Variants in TNRC18 observed in about 807,000 individuals in gnomAD.
TNRC18 encodes the protein trinucleotide repeat-containing gene 18 protein.
TNRC18 carries 69 observed loss-of-function variants against 226.7 expected under a neutral mutation model. That is an observed-to-expected ratio of 0.30 (90% CI 0.25 to 0.37). TNRC18 has a LOEUF of 0.37. Ranked by LOEUF, TNRC18 falls within the 10% of genes least tolerant of loss-of-function variation. The pLI is 1.00. For synonymous variants in TNRC18, 2,449 were observed against 1,927.6 expected (o/e 1.27, Z -7.09); for missense variants, 4,754 against 4,256.6 (o/e 1.12, Z -3.25).
intron 18 of TNRC18, among the ~76,000 whole-genome samples, chr7:5,344,196 G>A (rs1482169874): frequency 6.6e-6 from 1 of 152,208 alleles, no homozygotes; most frequent in African/African-American, 2.4e-5. Context: ...CCTGGCTGGT[G>A]CATTTAGGGG....
Position 5,389,158 on chromosome 7 carries a change from C to G in TNRC18, c.666G>C (p.Lys222Asn). ...CCTCGCCCCGGGCGCGCGGGTCCTT[C>G]TTGCCGAAAAGCGGAGGCGGCTCCC... ...RGGEPPPLFG[K>N]KDPRARGEEA... Residue 222 changes from lysine to asparagine, a missense_variant, in exon 5 of 30, where the codon AAG becomes AAC. Lys to Asn is a moderately conservative substitution (Grantham distance 94, BLOSUM62 0). Transcript: ENST00000430969. 7.5e-7 allele frequency: 1 copy of G among 1,327,516 alleles called. No individual in the cohort carries two copies. The allele number at this position is 1,327,516 out of a possible 1,614,324, so 82.2% of individuals were successfully genotyped here.
chr7:5,371,084 T>C lies in TNRC18; in HGVS notation c.3510A>G (p.Thr1170=). 1 of 1,611,952 alleles carries C rather than the reference T, an allele frequency of 6.2e-7. No homozygotes were observed. Among genetic ancestry groups the C allele is most frequent in the African/African-American group, 1.3e-5 (1 of 75,050 alleles). Residue 1170 remains threonine (T), a synonymous_variant, in exon 11 of 30, where the codon ACA becomes ACG. Transcript: ENST00000430969. The part of the protein sequence containing the change: ...AEVEDMDEGP[T]ELPPLESPLP... Reference sequence around the variant, plus strand: ...GCGGCGACTCCAGAGGCGGCAGCTCTGTGGGGCCCTCGTCCATGTCCTCCA... The same window carrying C: ...GCGGCGACTCCAGAGGCGGCAGCTCCGTGGGGCCCTCGTCCATGTCCTCCA...
chr7:5,342,175 C>T lies in TNRC18; in HGVS notation c.5719+3387G>A, dbSNP rs558881656. The stretch of plus-strand genomic sequence containing the variant: ...CGGGTGCAGTGGCTCACGCCTGTAA[C>T]CCCAGCACTTTGGGAGGCCGAGGCA... On this transcript the variant is annotated intron_variant, in intron 18 of 29. Transcript: ENST00000430969. Among the ~76,000 whole-genome samples, 5 of 152,156 alleles carry T rather than the reference C, an allele frequency of 3.3e-5. No individual in the cohort carries two copies. In the East Asian group the frequency reaches 9.7e-4, roughly 29 times the overall value.
At chr7:5,311,739 G>C (rs144190577) in intron 27 of TNRC18, among the ~76,000 whole-genome samples, 34 of 151,848 alleles carry the variant, frequency 2.2e-4, no homozygotes, top group Admixed American at 1.5e-3. Context: ...AACTGCTTGG[G>C]CCCAGAAGTT....
At chr7:5,380,042 G>T (rs187414526) in intron 5 of TNRC18, among the ~76,000 whole-genome samples, 18 of 152,304 alleles carry the variant, frequency 1.2e-4, no homozygotes, top group Non-Finnish European at 2.2e-4. Context: ...TCCTAACTGG[G>T]GTCTACAGCG....
chr7:5,338,441 G>T (rs553900368), intron 18 of TNRC18, among the ~76,000 whole-genome samples: 1 of 152,018 alleles, frequency 6.6e-6, no homozygotes, highest in South Asian at 2.1e-4. Flanking sequence ...CAACAAAGAA[G>T]AACATTCTAA....
rs1782702388 is a variant in TNRC18, at chr7:5,423,724, T to C, written c.-527A>G. Among the ~76,000 whole-genome samples, 1 of 151,658 alleles carries C rather than the reference T, an allele frequency of 6.6e-6. No homozygotes were observed. Among genetic ancestry groups the C allele is most frequent in the Admixed American group, 6.6e-5 (1 of 15,250 alleles). On this transcript the variant is annotated 5_prime_UTR_variant, in exon 1 of 30. The change abolishes the stop of an existing upstream ORF in the 5' untranslated region. Coordinates refer to ENST00000430969, the MANE Select transcript of TNRC18 (RefSeq NM_001080495.3). The stretch of plus-strand genomic sequence containing the variant: ...TCCTCCCGCCGAGCTCCCCGCTTTT[T>C]AATAAAATCCAGGTAGCGCCGGTTT...
chr7:5,400,403 G>A (rs1781001923), intron 2 of TNRC18, among the ~76,000 whole-genome samples: 2 of 151,884 alleles, frequency 1.3e-5, no homozygotes, highest in East Asian at 2.0e-4. Context: ...TGAGGTCAGG[G>A]GTTCTAGACC....
rs1788691049 is a variant in TNRC18, at chr7:5,324,421, C to T, written c.6301-66G>A. 18 of 1,580,810 alleles carry T rather than the reference C, an allele frequency of 1.1e-5. No individual in the cohort carries two copies. In the South Asian group the frequency reaches 2.0e-4, roughly 18 times the overall value. On this transcript the variant is annotated intron_variant, in intron 20 of 29. Coordinates refer to ENST00000430969, the MANE Select transcript of TNRC18 (RefSeq NM_001080495.3). This position sits in a 1 kb window ranked among gnomAD's most constrained non-coding sequence, Gnocchi z 4.8. ...ACAGGGGTCCTGCCGGGTTGGGGAC[C>T]CTCTCTGGAAACCTGGAGCCACAGT...
chr7:5,376,961 C>T lies in TNRC18; in HGVS notation c.2494G>A (p.Ala832Thr). The T allele has an allele frequency of 1.3e-6, 2 of 1,588,668 alleles. No individual in the cohort carries two copies. The highest frequency in any genetic ancestry group is 1.7e-6 in the Non-Finnish European group (2 of 1,167,832). Residue 832 changes from alanine (A) to threonine (T), a missense_variant, in exon 8 of 30, where the codon GCC (alanine) becomes ACC (threonine). By Grantham distance (58) the Ala-to-Thr change is moderately conservative. Transcript: ENST00000430969. ...CCCAGGCCAGGTGGGAACGCAGGGG[C>T]CATGCCCTGGTGCAGAGATGGGGGA... ...LGPPSLHQGM[A>T]PAFPPGLGGS...
rs868439243 is a variant in TNRC18, at chr7:5,402,217, C to A, written c.188-7622G>T. On this transcript the variant is annotated intron_variant, in intron 2 of 29. Coordinates refer to ENST00000430969, the MANE Select transcript of TNRC18 (RefSeq NM_001080495.3). ...AAAAAAAAAAGAACAGCCTGGGCAA[C>A]AGAGCAAGACCCCATCCCAAAAAAA... Among the ~76,000 whole-genome samples, 719 of 138,972 alleles carry A rather than the reference C, an allele frequency of 5.2e-3. 5 individuals are homozygous for A. Among genetic ancestry groups the A allele is most frequent in the Middle Eastern group, 0.013 (3 of 232 alleles). The allele number at this position is 138,972 out of a possible 152,430, so 91.2% of individuals were successfully genotyped here.
At chr7:5,359,969 G>C (rs1792859724) in intron 14 of TNRC18, among the ~76,000 whole-genome samples, 1 of 151,824 alleles carries the variant, frequency 6.6e-6, no homozygotes, top group South Asian at 2.1e-4. Context: ...AAGGATTCCA[G>C]TCTCTCTTTT....
At position 5,377,307 on chromosome 7, in the gene TNRC18, C is replaced by T. The variant is rs1779052338; in HGVS notation, c.2461+64G>A. The stretch of plus-strand genomic sequence containing the variant: ...GCAGGAGCCAGCCCTGAGCTCTTGT[C>T]CTGCACCCGCCCCCTCCCACCCCTC... On this transcript the variant is annotated intron_variant, in intron 7 of 29. Transcript: ENST00000430969. The surrounding 1 kb of genome is among the most constrained non-coding windows in gnomAD (Gnocchi z 5.8). 7.1e-7 allele frequency: 1 copy of T among 1,417,010 alleles called. No individual in the cohort carries two copies. Among genetic ancestry groups the T allele is most frequent in the Non-Finnish European group, 9.4e-7 (1 of 1,061,810 alleles). 87.8% of individuals were successfully genotyped at this position (1,417,010 alleles called of 1,614,324 possible).
Position 5,324,218 on chromosome 7 carries a change from G to T in TNRC18, c.6438C>A (p.Thr2146=). ...PRGGAVERPL[T]PAPRSCIIDK... ...TGTGGCATCACGGCCACTCACCCGG[G>T]GTCAGCGGCCGCTCCACAGCCCCGC... The change falls in exon 21 of 30, where the codon ACC becomes ACA. Residue 2146 remains threonine, a synonymous_variant. Transcript: ENST00000430969. This position sits in a 1 kb window ranked among gnomAD's most constrained non-coding sequence, Gnocchi z 4.8. 5 of 1,603,388 alleles carry T rather than the reference G, an allele frequency of 3.1e-6. No individual in the cohort carries two copies. Among genetic ancestry groups the T allele is most frequent in the Non-Finnish European group, 4.2e-6 (5 of 1,176,664 alleles).
chr7:5,345,147 C>T (rs1791036773), intron 18 of TNRC18, among the ~76,000 whole-genome samples: 1 of 152,206 alleles, frequency 6.6e-6, no homozygotes, highest in Admixed American at 6.5e-5. Flanking sequence ...TCTACCGTGA[C>T]GTGGCTGTTC....
At chr7:5,327,453 G>A (rs1789048356) in intron 19 of TNRC18, among the ~76,000 whole-genome samples, 1 of 151,398 alleles carries the variant, frequency 6.6e-6, no homozygotes, top group South Asian at 2.1e-4. Flanking sequence ...ACTCTTTAAT[G>A]CAAGTCATCC....
chr7:5,382,074 T>C (rs1426293311), intron 5 of TNRC18, among the ~76,000 whole-genome samples: 1 of 152,136 alleles, frequency 6.6e-6, no homozygotes, highest in African/African-American at 2.4e-5. Flanking sequence ...TTTGCAAACA[T>C]GAACTCATTC....
chr7:5,381,207 T>A (rs1398571411), intron 5 of TNRC18, among the ~76,000 whole-genome samples: 2 of 152,136 alleles, frequency 1.3e-5, no homozygotes, highest in African/African-American at 4.8e-5. Flanking sequence ...AGAGAGATAG[T>A]GAGCCCTCTG....
Position 5,324,068 on chromosome 7 carries a change from G to C in TNRC18, c.6442+146C>G. ...CCAGTCCAGCCTTCTCATCGACCCG[G>C]ATAACTCAGCCTCAGGATCTCTGCT... On this transcript the variant is annotated intron_variant, in intron 21 of 29. Transcript: ENST00000430969. This position sits in a 1 kb window ranked among gnomAD's most constrained non-coding sequence, Gnocchi z 4.8. 2.2e-6 allele frequency: 2 copies of C among 923,550 alleles called. No homozygotes were observed. The highest frequency in any genetic ancestry group is 1.7e-5 in the South Asian group (1 of 58,628). The allele number at this position is 923,550 out of a possible 1,614,324, so 57.2% of individuals were successfully genotyped here. A position where few individuals can be genotyped will look rare whatever the true frequency, so the allele number is the denominator to read the frequency against.
Sources: allele counts gnomAD v4.1 joint callset (sites outside exome capture counted in the v4.1 genomes callset), GRCh38; gene constraint gnomAD v4.1.1; non-coding constraint Gnocchi (gnomAD v3.1); transcripts MANE v1.5; gene names NCBI Gene and HGNC (gene_info 2026-07-23, HGNC 2026-07-21).